The following HECW2 variants were observed in gnomAD, a reference collection of about 807,000 sequenced individuals.
HECW2 encodes HECT, C2 and WW domain containing E3 ubiquitin protein ligase 2.
HECW2 carries 61 observed loss-of-function variants against 175.2 expected under a neutral mutation model. The observed-to-expected ratio is 0.35, with a 90% CI of 0.28 to 0.43. HECW2 has a LOEUF of 0.43. Ranked by LOEUF, HECW2 falls within the 20% of genes least tolerant of loss-of-function variation. The pLI is 1.00. For synonymous variants in HECW2, 671 were observed against 731.0 expected (o/e 0.92, Z 1.32); for missense variants, 1,524 against 2,000.5 (o/e 0.76, Z 4.54).
intron 1 of HECW2, among the ~76,000 whole-genome samples, chr2:196,516,096 C>T (rs907777659): frequency 1.3e-5 from 2 of 152,096 alleles, no homozygotes; most frequent in African/African-American, 4.8e-5. Context: ...GAGATCGCAC[C>T]ACTGCACTCC....
intron 21 of HECW2, among the ~76,000 whole-genome samples, chr2:196,235,122 C>G (rs4850684): frequency 0.94 from 141,071 of 149,338 alleles, 67,105 homozygotes; most frequent in Non-Finnish European, 1. Flanking sequence ...TTTTTAGACC[C>G]AGTCTCGCTC....
At chr2:196,427,311 T>A (rs113257134) in intron 2 of HECW2, among the ~76,000 whole-genome samples, 322 of 29,480 alleles carry the variant, frequency 0.011, 4 homozygotes, top group African/African-American at 0.014. Flanking sequence ...TTATGCAAAA[T>A]TAAAAAATAA....
chr2:196,512,904 C>T (rs1468247060), intron 1 of HECW2, among the ~76,000 whole-genome samples: 1 of 152,012 alleles, frequency 6.6e-6, no homozygotes, highest in Non-Finnish European at 1.5e-5. Context: ...GTTGGCCAGG[C>T]TGGTCTCAAA....
intron 1 of HECW2, among the ~76,000 whole-genome samples, chr2:196,506,821 T>C (rs1346356936): frequency 6.6e-6 from 1 of 152,174 alleles, no homozygotes; most frequent in Non-Finnish European, 1.5e-5. Flanking sequence ...TAGTTCACAT[T>C]CTGCCAATAC....
intron 17 of HECW2, among the ~76,000 whole-genome samples, chr2:196,260,932 T>C (rs1689265164): frequency 6.6e-6 from 1 of 152,196 alleles, no homozygotes; most frequent in African/African-American, 2.4e-5. Flanking sequence ...TGAAACAATA[T>C]AATAATATTT....
intron 1 of HECW2, among the ~76,000 whole-genome samples, chr2:196,568,592 T>C (rs998557186): frequency 1.3e-5 from 2 of 152,160 alleles, no homozygotes; most frequent in African/African-American, 4.8e-5. Flanking sequence ...TTTACAATGG[T>C]GTGAAAGCAA....
chr2:196,327,725 ACT>A (rs1045413861), intron 5 of HECW2, among the ~76,000 whole-genome samples: 4 of 152,172 alleles, frequency 2.6e-5, no homozygotes, highest in African/African-American at 4.8e-5. Flanking sequence ...ATTTCTGTAC[ACT>A]GTCTGCAAAT....
At chr2:196,486,448 CT>C (rs1281378350) in intron 1 of HECW2, among the ~76,000 whole-genome samples, 2 of 152,148 alleles carry the variant, frequency 1.3e-5, no homozygotes, top group Admixed American at 1.3e-4. Flanking sequence ...TGCAACCCCC[CT>C]GGGCTCAGAG....
chr2:196,300,947 G>C (rs906540072), intron 13 of HECW2, among the ~76,000 whole-genome samples: 1 of 152,024 alleles, frequency 6.6e-6, no homozygotes. Context: ...GTGTGCCATG[G>C]TGGTTTGCTG....
At chr2:196,248,597 G>GACACAAAC (rs1553636702) in intron 19 of HECW2, among the ~76,000 whole-genome samples, 1,872 of 144,024 alleles carry the variant, frequency 0.013, 36 homozygotes, top group East Asian at 0.077. Flanking sequence ...GAGACAGACA[G>GACACAAAC]ACACACACAC....
intron 28 of HECW2, among the ~76,000 whole-genome samples, chr2:196,211,251 C>T (rs1687273470): frequency 6.6e-6 from 1 of 152,192 alleles, no homozygotes; most frequent in Non-Finnish European, 1.5e-5. Flanking sequence ...GACAGGACTG[C>T]TCTGCAGTTT....
At chr2:196,357,322 G>A (rs1693410112) in intron 2 of HECW2, among the ~76,000 whole-genome samples, 1 of 135,306 alleles carries the variant, frequency 7.4e-6, no homozygotes, top group African/African-American at 3.5e-5. Flanking sequence ...CCCTGGTGGG[G>A]GGCTTGGGCG....
intron 13 of HECW2, among the ~76,000 whole-genome samples, chr2:196,296,205 A>G (rs1405390957): frequency 6.6e-6 from 1 of 152,198 alleles, no homozygotes; most frequent in Non-Finnish European, 1.5e-5. Flanking sequence ...AAGGATATTT[A>G]TACTCCACTT....
At chr2:196,276,203 C>T (rs1689950167) in intron 15 of HECW2, among the ~76,000 whole-genome samples, 1 of 152,214 alleles carries the variant, frequency 6.6e-6, no homozygotes, top group African/African-American at 2.4e-5. Context: ...GGCAGCACTT[C>T]AGGATGTGCA....
chr2:196,342,557 G>A (rs964383776), intron 3 of HECW2, among the ~76,000 whole-genome samples: 3 of 151,880 alleles, frequency 2.0e-5, no homozygotes, highest in African/African-American at 7.3e-5. Context: ...AATATTGGTG[G>A]CAACTATAAA....
At chr2:196,447,920 G>T (rs138571170) in intron 1 of HECW2, among the ~76,000 whole-genome samples, 1 of 152,084 alleles carries the variant, frequency 6.6e-6, no homozygotes, top group Non-Finnish European at 1.5e-5. Context: ...CTAGCCATGC[G>T]TGGTGGCGCA....
intron 1 of HECW2, among the ~76,000 whole-genome samples, chr2:196,590,815 CT>C (rs1691163795): frequency 6.6e-6 from 1 of 152,188 alleles, no homozygotes; most frequent in Non-Finnish European, 1.5e-5. Context: ...TTGCAAAAGC[CT>C]TTTAAAAGAG....
At chr2:196,258,080 AG>A (rs34136527) in intron 17 of HECW2, 174 bp from the exon 18 acceptor site, 298,898 of 555,332 alleles carry the variant, frequency 0.54, 86,401 homozygotes, top group Non-Finnish European at 0.62. Context: ...TTTGCCTTCA[AG>A]GGGGGGGATC....
chr2:196,501,598 A>C (rs553003951), intron 1 of HECW2, among the ~76,000 whole-genome samples: 2 of 152,250 alleles, frequency 1.3e-5, no homozygotes, highest in African/African-American at 2.4e-5. Context: ...AATTAGAACC[A>C]AAAGCCTAAG....
Sources: allele counts gnomAD v4.1 joint callset (sites outside exome capture counted in the v4.1 genomes callset), GRCh38; gene constraint gnomAD v4.1.1; transcripts MANE v1.5; gene names NCBI Gene and HGNC (gene_info 2026-07-23, HGNC 2026-07-21).